The following NPIPB11 variants were observed in gnomAD, a reference collection of about 807,000 sequenced individuals.
NPIPB11 encodes nuclear pore complex-interacting protein family member B11.
In NPIPB11, 17 loss-of-function variants were observed where a neutral mutation model predicts 32.8. That is an observed-to-expected ratio of 0.52 (90% confidence interval 0.35 to 0.78). The LOEUF is 0.78. Ranked by LOEUF, NPIPB11 falls within the 30% of genes least tolerant of loss-of-function variation. NPIPB11 has a pLI of 0.01. For synonymous variants in NPIPB11, 209 were observed against 398.4 expected (o/e 0.52, Z 5.66); for missense variants, 537 against 1,000.4 (o/e 0.54, Z 6.25).
rs535951207 is a variant in NPIPB11, at chr16:29,397,721, C to T, written c.121-3645G>A. 8.3e-4 allele frequency: 285 copies of T among 343,008 alleles called. 3 individuals carry two copies. In the East Asian group the frequency reaches 0.017, roughly 20 times the overall value. 21.2% of individuals were successfully genotyped at this position (343,008 alleles called of 1,614,324 possible). A position where few individuals can be genotyped will look rare whatever the true frequency, so the allele number is the denominator to read the frequency against. ...TTAGGGCAGGGGGGAGGGAAGGGGA[C>T]GGGGACCGGGCCCGGATCTGAGTTG... On this transcript the variant is annotated intron_variant, in intron 2 of 7. Coordinates refer to ENST00000524087, the Ensembl canonical transcript of NPIPB11.
chr16:29,405,440 G>A (rs1343216642), upstream of NPIPB11, among the ~76,000 whole-genome samples: 7 of 152,080 alleles, frequency 4.6e-5, no homozygotes, highest in South Asian at 4.1e-4. Context: ...ATTCTTATAC[G>A]ATAATGATAA....
intron 2 of NPIPB11, among the ~76,000 whole-genome samples, chr16:29,398,616 AG>A (rs1267593170): frequency 6.6e-6 from 1 of 152,076 alleles, no homozygotes; most frequent in African/African-American, 2.4e-5. Context: ...CAAATCACAC[AG>A]CATGTTTCTG....
intron 3 of NPIPB11, among the ~76,000 whole-genome samples, chr16:29,390,866 G>T: frequency 6.6e-6 from 1 of 150,874 alleles, no homozygotes. Context: ...GGGAGGTTGA[G>T]GCAGGATAAT....
In NPIPB11 at chr16:29,389,194, C is replaced by CAAA. The variant is rs1166217249; in HGVS notation, c.545+744_545+746dup. On this transcript the variant is annotated intron_variant, in intron 5 of 7. Transcript: ENST00000524087. The stretch of plus-strand genomic sequence containing the variant: ...TGGGTGACAGAGTGAGACTCTGTCT[C>CAAA]AAAAAAAAAAAAAAAAAAAAATTGG... 6.4e-4 allele frequency among the ~76,000 whole-genome samples: 32 copies of CAAA among 50,316 alleles called. 1 individual carries two copies. Among genetic ancestry groups the CAAA allele is most frequent in the Middle Eastern group, 0.011 (1 of 88 alleles). The allele number at this position is 50,316 out of a possible 152,430, so 33.0% of individuals were successfully genotyped here. A position where few individuals can be genotyped will look rare whatever the true frequency, so the allele number is the denominator to read the frequency against.
chr16:29,390,381 G>T, intron 3 of NPIPB11, 33 bp from the exon 4 acceptor site: 1 of 1,576,060 alleles, frequency 6.3e-7, no homozygotes. Flanking sequence ...TGACGGCTGG[G>T]CACGGTGGCT....
At chr16:29,401,641 G>A (rs1176096223) in intron 2 of NPIPB11, among the ~76,000 whole-genome samples, 1 of 152,102 alleles carries the variant, frequency 6.6e-6, no homozygotes, top group African/African-American at 2.4e-5. Context: ...GTTCTCTCCT[G>A]GGCCACTTGA....
chr16:29,381,648 G>A, exon 8 of NPIPB11: 1 of 627,706 alleles, frequency 1.6e-6, no homozygotes, highest in Non-Finnish European at 2.7e-6. Flanking sequence ...CTTGGGTTCG[G>A]GAGGTGGTTC....
At chr16:29,392,722 GAA>G (rs982535187) in intron 3 of NPIPB11, among the ~76,000 whole-genome samples, 1 of 107,326 alleles carries the variant, frequency 9.3e-6, no homozygotes, top group Admixed American at 9.6e-5. Flanking sequence ...GGTGAGAAAA[GAA>G]AAAAAAAAAA....
chr16:29,399,328 A>C (rs1963934472), intron 2 of NPIPB11, among the ~76,000 whole-genome samples: 1 of 150,294 alleles, frequency 6.7e-6, no homozygotes, highest in South Asian at 2.1e-4. Context: ...TAAACAGGAA[A>C]TATTCTATTG....
At chr16:29,392,214 A>G (rs1476813282) in intron 3 of NPIPB11, among the ~76,000 whole-genome samples, 5 of 152,132 alleles carry the variant, frequency 3.3e-5, no homozygotes, top group East Asian at 1.9e-4. Flanking sequence ...TGGAGCTAGG[A>G]GAAATGTCAA....
At chr16:29,383,201 A>C (rs1039469328) in exon 8 of NPIPB11, 3 of 1,567,072 alleles carry the variant, frequency 1.9e-6, no homozygotes, top group Non-Finnish European at 2.6e-6. Flanking sequence ...TGATATTATC[A>C]TCTGCTGAGG....
exon 8 of NPIPB11, chr16:29,382,358 G>T: frequency 1.9e-6 from 1 of 538,542 alleles, no homozygotes; most frequent in Non-Finnish European, 3.1e-6. Flanking sequence ...AGGGGAGTGA[G>T]CTGACGCTCG....
At chr16:29,393,307 C>T (rs573150383) in intron 3 of NPIPB11, among the ~76,000 whole-genome samples, 67 of 151,736 alleles carry the variant, frequency 4.4e-4, no homozygotes, top group Middle Eastern at 3.4e-3. Context: ...CAGTTTGTCA[C>T]CTCGTCCCTA....
intron 2 of NPIPB11, among the ~76,000 whole-genome samples, chr16:29,400,120 G>T (rs4017095): frequency 2.0e-5 from 3 of 151,594 alleles, no homozygotes; most frequent in Non-Finnish European, 4.4e-5. Context: ...TGTGTTGGTT[G>T]TAAAAGGAGA....
chr16:29,397,302 GC>G (rs1963881446), intron 2 of NPIPB11, among the ~76,000 whole-genome samples: 1 of 151,838 alleles, frequency 6.6e-6, no homozygotes, highest in Admixed American at 6.6e-5. Context: ...CAGCTCCTGG[GC>G]CCAAGCGATC....
At chr16:29,396,417 G>C (rs2142132658) in intron 2 of NPIPB11, among the ~76,000 whole-genome samples, 1 of 150,640 alleles carries the variant, frequency 6.6e-6, no homozygotes, top group Middle Eastern at 3.4e-3. Flanking sequence ...CCTATGATAA[G>C]AAAGAGACTG....
At chr16:29,393,920 T>A in intron 3 of NPIPB11, 28 bp downstream of exon 3, 1 of 1,526,456 alleles carries the variant, frequency 6.6e-7, no homozygotes, top group Non-Finnish European at 8.8e-7. Context: ...ATTACAAGTA[T>A]ACCTCTACAG....
At chr16:29,392,066 T>A (rs544796521) in intron 3 of NPIPB11, among the ~76,000 whole-genome samples, 1 of 151,988 alleles carries the variant, frequency 6.6e-6, no homozygotes, top group African/African-American at 2.4e-5. Flanking sequence ...TTTTCCTGAT[T>A]TCTGCACATA....
exon 8 of NPIPB11, chr16:29,382,213 G>A (rs577665970): frequency 6.4e-7 from 1 of 1,555,250 alleles, no homozygotes; most frequent in Non-Finnish European, 8.6e-7. Flanking sequence ...GGTGGAAGGG[G>A]AGTGAGCTGA....
Sources: gnomAD v4.1 joint callset for allele counts (sites outside exome capture counted in the v4.1 genomes callset) on GRCh38, gnomAD v4.1.1 for gene constraint, MANE v1.5 for transcripts, NCBI Gene and HGNC (gene_info 2026-07-23, HGNC 2026-07-21) for gene names.